The following RUVBL2 variants were observed in gnomAD, a reference collection of about 807,000 sequenced individuals.
The protein encoded by RUVBL2 is ruvB-like 2.
RUVBL2 carries 9 observed loss-of-function variants against 57.9 expected under a neutral mutation model. The observed-to-expected ratio is 0.16, with a 90% CI of 0.09 to 0.27. The LOEUF (loss-of-function observed/expected upper bound fraction) is 0.27, where lower values mean the gene tolerates loss of function less well. Among genes scored for constraint, RUVBL2 ranks in the 10% least tolerant of loss-of-function variants. The pLI, the probability that RUVBL2 is intolerant of heterozygous loss-of-function variation, is 1.00. For missense variants in RUVBL2, 456 were observed against 669.6 expected, an observed-to-expected ratio of 0.68 and a Z score of 3.52; for synonymous variants, 278 against 264.6, an observed-to-expected ratio of 1.05 and a Z score of -0.49.
chr19:49,010,467 T>TGCCGCCC, intron 8 of RUVBL2, 21 bp from the exon 9 acceptor site: 1 of 1,401,208 alleles, frequency 7.1e-7, no homozygotes, highest in Non-Finnish European at 9.9e-7. Context: ...CCGCCGTTCT[T>TGCCGCCC]CCCCCACCCC....
At chr19:49,014,754 C>A in intron 12 of RUVBL2, 151 bp downstream of exon 12, 2 of 1,197,740 alleles carry the variant, frequency 1.7e-6, no homozygotes, top group Non-Finnish European at 1.1e-6. Context: ...GCCTCCGATC[C>A]GGGAGCAGGA....
upstream of RUVBL2, chr19:48,993,451 T>G: frequency 2.3e-6 from 1 of 428,680 alleles, no homozygotes; most frequent in East Asian, 4.9e-5. Flanking sequence ...AGTCGCTGTG[T>G]CCCGGCCCCG....
chr19:49,010,074 C>A lies in RUVBL2; in HGVS notation c.663+8C>A, dbSNP rs117752118. The A allele has an allele frequency of 7.5e-6, 12 of 1,604,404 alleles. No individual in the cohort carries two copies. The highest frequency in any genetic ancestry group is 1.7e-5 in the Admixed American group (1 of 58,668). On this transcript the variant is annotated splice_region_variant and intron_variant, in intron 8 of 14. Transcript: ENST00000595090. ...GACGCTATGGGCTCCCAGGTGCGGC[C>A]GGGACTCCCGGGATCCCCTCGCCCC...
At chr19:49,014,923 T>C in intron 12 of RUVBL2, 98 bp from the exon 13 acceptor site, 2 of 1,451,014 alleles carry the variant, frequency 1.4e-6, no homozygotes, top group Non-Finnish European at 1.9e-6. Context: ...GCGCCACATA[T>C]TCCCAGTGGG....
chr19:49,006,966 C>A, intron 4 of RUVBL2, 52 bp from the exon 5 acceptor site: 1 of 1,598,132 alleles, frequency 6.3e-7, no homozygotes, highest in South Asian at 1.1e-5. Context: ...GAGCAGGTGT[C>A]GGGGACCTGG....
intron 6 of RUVBL2, among the ~76,000 whole-genome samples, chr19:49,009,350 G>A (rs559557158): frequency 8.2e-4 from 125 of 151,740 alleles, no homozygotes; most frequent in Non-Finnish European, 1.6e-3. Context: ...AGCCATGCGT[G>A]GTGGCGGGCG....
In RUVBL2 at chr19:49,009,840, C is replaced by T. The variant is rs773506227; in HGVS notation, c.527C>T (p.Thr176Ile). ...ATGGAGACCATCTACGACCTGGGCA[C>T]CAAGATGATTGAGTCCCTGACCAAG... ...TEMETIYDLG[T>I]KMIESLTKDK... Residue 176 changes from threonine (T) to isoleucine (I), a missense_variant, in exon 7 of 15, where the codon ACC (threonine) becomes ATC (isoleucine). Around this residue, in one of 5 missense-constraint regions of RUVBL2, gnomAD observed 233 missense variants for 306.0 expected, o/e 0.76. Transcript: ENST00000595090. The T allele has an allele frequency of 7.4e-6, 12 of 1,613,980 alleles. No individual in the cohort carries two copies. The highest frequency in any genetic ancestry group is 9.3e-6 in the Non-Finnish European group (11 of 1,180,016).
chr19:49,010,039 C>G lies in RUVBL2; in HGVS notation c.636C>G (p.Ala212=). Residue 212 remains alanine (A), a synonymous_variant, in exon 8 of 15, where the codon GCC becomes GCG. Transcript: ENST00000595090. ...ISKLGRSFTR[A]RDYDAMGSQT... ...AGCTGGGCCGCTCCTTCACACGCGC[C>G]CGCGACTACGACGCTATGGGCTCCC... is the stretch of plus-strand genomic sequence containing the variant. 6.3e-7 allele frequency: 1 copy of G among 1,596,044 alleles called. No homozygotes were observed. Among genetic ancestry groups the G allele is most frequent in the Non-Finnish European group, 8.5e-7 (1 of 1,170,372 alleles).
chr19:49,010,338 C>G (rs1465021394), intron 8 of RUVBL2, 150 bp from the exon 9 acceptor site: 13 of 811,570 alleles, frequency 1.6e-5, no homozygotes, highest in Non-Finnish European at 2.6e-5. Context: ...CTGACTACCT[C>G]CTGGGCCTGG....
intron 11 of RUVBL2, among the ~76,000 whole-genome samples, chr19:49,013,614 T>G (rs2039479555): frequency 6.6e-6 from 1 of 152,032 alleles, no homozygotes; most frequent in Admixed American, 6.6e-5. Flanking sequence ...CACATGGAAA[T>G]AGAAACACAC....
intron 12 of RUVBL2, 70 bp downstream of exon 12, chr19:49,014,673 A>G (rs1310318168): frequency 3.2e-6 from 5 of 1,576,216 alleles, no homozygotes; most frequent in Non-Finnish European, 3.5e-6. Flanking sequence ...AAATGCTGAC[A>G]CTGAGGTCCA....
rs147971677 is a variant in RUVBL2, at chr19:49,014,750, G to A, written c.1121+147G>A. On this transcript the variant is annotated intron_variant, in intron 12 of 14. Transcript: ENST00000595090. ...AGCGGGCACCCAGACGGTGGCCTCC[G>A]ATCCGGGAGCAGGAGCCACGGTGGG... 4.3e-4 allele frequency: 518 copies of A among 1,212,400 alleles called. 3 individuals carry two copies. The African/African-American group carries it at 6.3e-3, about 15-fold the overall frequency. 75.1% of individuals were successfully genotyped at this position (1,212,400 alleles called of 1,614,324 possible). A position where few individuals can be genotyped will look rare whatever the true frequency, so the allele number is the denominator to read the frequency against.
At position 49,011,425 on chromosome 19, in the gene RUVBL2, A is replaced by C. The variant is rs1028277624; in HGVS notation, c.1001+115A>C. On this transcript the variant is annotated intron_variant, in intron 11 of 14. Coordinates refer to ENST00000595090, the MANE Select transcript of RUVBL2 (RefSeq NM_006666.3). The surrounding 1 kb of genome is among the most constrained non-coding windows in gnomAD (Gnocchi z 4.4). ...GGGTCAGGGAGGGACGCGTGACTGCAGTGTGCGCTCTTTGCTTACAAAAGG... is the reference window on the plus strand; with the variant it reads ...GGGTCAGGGAGGGACGCGTGACTGCCGTGTGCGCTCTTTGCTTACAAAAGG... 4 of 794,794 alleles carry C rather than the reference A, an allele frequency of 5.0e-6. No individual in the cohort carries two copies. In the African/African-American group the frequency reaches 6.7e-5, roughly 13 times the overall value. 49.2% of individuals were successfully genotyped at this position (794,794 alleles called of 1,614,324 possible). A position where few individuals can be genotyped will look rare whatever the true frequency, so the allele number is the denominator to read the frequency against.
intron 3 of RUVBL2, 135 bp from the exon 4 acceptor site, chr19:49,004,139 AAGC>A: frequency 9.7e-7 from 1 of 1,033,446 alleles, no homozygotes. Context: ...AAAAAAAAAA[AAGC>A]AGGGAAAGCT....
At chr19:49,007,497 A>G (rs1568637724) in intron 6 of RUVBL2, 129 bp downstream of exon 6, 1 of 746,758 alleles carries the variant, frequency 1.3e-6, no homozygotes, top group Non-Finnish European at 2.2e-6. Context: ...AGCCATGTAC[A>G]TGCCTACAGT....
In RUVBL2 at chr19:48,999,264, G is replaced by A. The variant is rs1422870661; in HGVS notation, c.13-55G>A. On this transcript the variant is annotated intron_variant, in intron 1 of 14. Transcript: ENST00000595090. ...ATCTCATGGGAGGGACAGAGGAGGG[G>A]TTGGTGAAAGCTGGGACCACACTAG... 1.3e-5 allele frequency: 21 copies of A among 1,585,808 alleles called. No homozygotes were observed. The Admixed American group carries it at 1.8e-4, about 14-fold the overall frequency.
intron 1 of RUVBL2, chr19:48,994,143 C>T: frequency 1.7e-6 from 1 of 601,512 alleles, no homozygotes. Context: ...GCTGGGATCC[C>T]AGAATCTCGG....
At chr19:49,015,345 G>GA in intron 13 of RUVBL2, 195 bp downstream of exon 13, 1 of 752,368 alleles carries the variant, frequency 1.3e-6, no homozygotes, top group East Asian at 2.7e-5. Context: ...GACTTAAGTA[G>GA]ATGCTGTTAG....
chr19:48,995,376 G>T (rs1313787070), intron 1 of RUVBL2, among the ~76,000 whole-genome samples: 2 of 150,212 alleles, frequency 1.3e-5, no homozygotes, highest in African/African-American at 2.5e-5. Flanking sequence ...TAGTCTGGGG[G>T]TAATGTTCTA....
Sources: allele counts gnomAD v4.1 joint callset (sites outside exome capture counted in the v4.1 genomes callset), GRCh38; gene constraint gnomAD v4.1.1; regional missense constraint gnomAD v4.1.1; non-coding constraint Gnocchi (gnomAD v3.1); transcripts MANE v1.5; gene names NCBI Gene and HGNC (gene_info 2026-07-23, HGNC 2026-07-21).